The following DENND2B variants were observed in gnomAD, a reference collection of about 807,000 sequenced individuals.
DENND2B encodes the protein DENN domain-containing protein 2B.
DENND2B carries 32 observed loss-of-function variants against 116.0 expected under a neutral mutation model. The ratio of observed to expected loss-of-function variants is 0.28; its 90% CI spans 0.21 to 0.37. The LOEUF (loss-of-function observed/expected upper bound fraction) is 0.37, where lower values mean the gene tolerates loss of function less well. DENND2B is among the 10% of genes least tolerant of loss of function. DENND2B has a pLI of 1.00. For missense variants in DENND2B, 1,276 were observed against 1,477.7 expected (o/e 0.86, Z 2.24); for synonymous variants, 588 against 583.9 (o/e 1.01, Z -0.10).
chr11:8,779,386 G>T (rs2058099686), intron 1 of DENND2B, among the ~76,000 whole-genome samples: 1 of 152,170 alleles, frequency 6.6e-6, no homozygotes, highest in Non-Finnish European at 1.5e-5. Flanking sequence ...AGGAAGGAAA[G>T]TGGTGTGACT....
At chr11:8,695,400 A>G in intron 19 of DENND2B, 63 bp downstream of exon 19, 3 of 1,475,950 alleles carry the variant, frequency 2.0e-6, no homozygotes, top group East Asian at 4.5e-5. Context: ...ATTCGGGAAC[A>G]CAAATCTCCC....
At chr11:8,766,014 G>A (rs1188480589) in intron 1 of DENND2B, among the ~76,000 whole-genome samples, 1 of 152,086 alleles carries the variant, frequency 6.6e-6, no homozygotes, top group African/African-American at 2.4e-5. Flanking sequence ...GGGTGACAGA[G>A]TGAGACTTCA....
intron 4 of DENND2B, among the ~76,000 whole-genome samples, chr11:8,820,457 T>C (rs187991570): frequency 6.6e-6 from 1 of 152,328 alleles, no homozygotes; most frequent in African/African-American, 2.4e-5. Flanking sequence ...AATAAATGTC[T>C]GTTTCCAGCA....
intron 3 of DENND2B, among the ~76,000 whole-genome samples, chr11:8,850,731 C>T (rs773309820): frequency 1.3e-5 from 2 of 152,174 alleles, no homozygotes; most frequent in Non-Finnish European, 2.9e-5. Context: ...CTTCCATGTT[C>T]ATTGCAGCAT....
intron 2 of DENND2B, among the ~76,000 whole-genome samples, chr11:8,880,285 A>T (rs965587861): frequency 6.6e-6 from 1 of 151,822 alleles, no homozygotes; most frequent in Non-Finnish European, 1.5e-5. Context: ...TTGAAGAGCC[A>T]AAATATTTAA....
At chr11:8,820,070 G>C (rs1404627909) in intron 4 of DENND2B, among the ~76,000 whole-genome samples, 1 of 152,134 alleles carries the variant, frequency 6.6e-6, no homozygotes, top group Non-Finnish European at 1.5e-5. Context: ...CATAAAGGTA[G>C]GTAAGACTGA....
chr11:8,730,055 G>C lies in DENND2B; in HGVS notation c.1235C>G (p.Pro412Arg). 6.2e-7 allele frequency: 1 copy of C among 1,614,246 alleles called. No individual in the cohort carries two copies. Among genetic ancestry groups the C allele is most frequent in the Non-Finnish European group, 8.5e-7 (1 of 1,180,040 alleles). Reference protein sequence around the residue: ...PKSKPSNGLPPSPTPAAPPPL... With the variant: ...PKSKPSNGLPRSPTPAAPPPL... ...AGGTGGAGCAGCAGGTGTGGGTGAA[G>C]GAGGTAGACCATTACTGGGCTTACT... Residue 412 changes from proline to arginine, a missense_variant, in exon 3 of 20, where the codon CCT becomes CGT. Coordinates refer to ENST00000313726, the MANE Select transcript of DENND2B (RefSeq NM_213618.2). The surrounding 1 kb of genome is among the most constrained non-coding windows in gnomAD (Gnocchi z 4.1).
chr11:8,778,464 G>T (rs905610160), intron 1 of DENND2B, among the ~76,000 whole-genome samples: 30 of 152,204 alleles, frequency 2.0e-4, no homozygotes, highest in Non-Finnish European at 8.8e-5. Flanking sequence ...GTCTCCACAT[G>T]TGTCTATGTG....
At chr11:8,767,206 C>T (rs2055985770) in intron 1 of DENND2B, among the ~76,000 whole-genome samples, 1 of 152,152 alleles carries the variant, frequency 6.6e-6, no homozygotes, top group Non-Finnish European at 1.5e-5. Flanking sequence ...GTCCTAAGGA[C>T]AGTGACCAGG....
intron 1 of DENND2B, among the ~76,000 whole-genome samples, chr11:8,887,334 A>T (rs1252679082): frequency 6.6e-6 from 1 of 152,222 alleles, no homozygotes; most frequent in Admixed American, 6.5e-5. Context: ...GTAGTCAAAG[A>T]TTAAGTTAGT....
At chr11:8,818,400 G>A (rs1175636010) in intron 4 of DENND2B, among the ~76,000 whole-genome samples, 1 of 151,970 alleles carries the variant, frequency 6.6e-6, no homozygotes, top group Non-Finnish European at 1.5e-5. Context: ...AAAGGGAAGA[G>A]GTAGGGTATT....
At chr11:8,699,928 G>A (rs1208920623) in intron 14 of DENND2B, 1 of 456,306 alleles carries the variant, frequency 2.2e-6, no homozygotes, top group South Asian at 1.5e-5. Flanking sequence ...CCCCAGATTG[G>A]CAGAACTTGA....
At chr11:8,706,594 CTTAT>C (rs1020481242) in intron 13 of DENND2B, among the ~76,000 whole-genome samples, 11 of 152,302 alleles carry the variant, frequency 7.2e-5, no homozygotes, top group African/African-American at 2.6e-4. Flanking sequence ...TCCCTGGCCC[CTTAT>C]TTAAAGCAGA....
intron 1 of DENND2B, among the ~76,000 whole-genome samples, chr11:8,895,220 A>G (rs1299348683): frequency 6.6e-6 from 1 of 151,312 alleles, no homozygotes; most frequent in East Asian, 2.0e-4. Flanking sequence ...GGACACAGGA[A>G]GGGGAACATC....
intron 1 of DENND2B, among the ~76,000 whole-genome samples, chr11:8,763,714 A>G (rs2055089581): frequency 6.6e-6 from 1 of 151,624 alleles, no homozygotes; most frequent in Non-Finnish European, 1.5e-5. Context: ...GTGGTTACCC[A>G]TAGGAAGACT....
At chr11:8,829,563 G>A (rs1203525392) in intron 4 of DENND2B, among the ~76,000 whole-genome samples, 2 of 152,130 alleles carry the variant, frequency 1.3e-5, no homozygotes, top group African/African-American at 4.8e-5. Flanking sequence ...CAATTCTGAG[G>A]AGCTGAACCA....
chr11:8,776,146 G>GCACACACACACACACACACA (rs1555185694), intron 1 of DENND2B: 58 of 292,410 alleles, frequency 2.0e-4, no homozygotes, highest in African/African-American at 1.8e-3. Context: ...GCACGTGCGC[G>GCACACACACACACACACACA]CACGCGCGCG....
chr11:8,812,860 T>A (rs939490232), upstream of DENND2B, among the ~76,000 whole-genome samples: 3 of 152,144 alleles, frequency 2.0e-5, no homozygotes, highest in African/African-American at 7.2e-5. Flanking sequence ...GTTAATACCC[T>A]CCCCAGGATG....
chr11:8,828,942 T>TGTGTGTGTGTGGG (rs1245023024), intron 4 of DENND2B, among the ~76,000 whole-genome samples: 3 of 150,844 alleles, frequency 2.0e-5, no homozygotes, highest in Non-Finnish European at 4.4e-5. Flanking sequence ...GAGGAGAAAG[T>TGTGTGTGTGTGGG]GTGTGTGTGT....
Sources: gnomAD v4.1 joint callset for allele counts (sites outside exome capture counted in the v4.1 genomes callset) on GRCh38, gnomAD v4.1.1 for gene constraint, Gnocchi (gnomAD v3.1) non-coding constraint, MANE v1.5 for transcripts, NCBI Gene and HGNC (gene_info 2026-07-23, HGNC 2026-07-21) for gene names.